The following WASF3 variants were observed in gnomAD, a reference collection of about 807,000 sequenced individuals.
WASF3 encodes actin-binding protein WASF3.
In WASF3, 11 loss-of-function variants were observed where a neutral mutation model predicts 46.6. The observed-to-expected ratio is 0.24, with a 90% CI of 0.15 to 0.39. The LOEUF (loss-of-function observed/expected upper bound fraction) is 0.39. WASF3 is among the 10% of genes least tolerant of loss of function. WASF3 has a pLI of 1.00. For missense variants in WASF3, 576 were observed against 669.8 expected (o/e 0.86, Z 1.55); for synonymous variants, 242 against 259.7 (o/e 0.93, Z 0.65).
chr13:26,622,667 C>T (rs1227569760), intron 2 of WASF3: 2 of 151,992 alleles, frequency 1.3e-5, no homozygotes, highest in Non-Finnish European at 1.5e-5. Context: ...CCCAGCTACT[C>T]GGGAAACTGA....
chr13:26,559,683 A>G (rs1355906682), intron 1 of WASF3, among the ~76,000 whole-genome samples: 1 of 151,838 alleles, frequency 6.6e-6, no homozygotes, highest in Non-Finnish European at 1.5e-5. Flanking sequence ...AGTACTAGTG[A>G]TCGTCTTTGG....
chr13:26,667,772 C>A, intron 5 of WASF3, 102 bp downstream of exon 5: 1 of 1,169,682 alleles, frequency 8.5e-7, no homozygotes, highest in Non-Finnish European at 1.2e-6. Context: ...CTTGATGGTT[C>A]ATCTGGGTTA....
At chr13:26,597,434 C>T (rs1178762995) in intron 1 of WASF3, among the ~76,000 whole-genome samples, 3 of 152,050 alleles carry the variant, frequency 2.0e-5, no homozygotes, top group African/African-American at 4.8e-5. Context: ...CACGCCTGGC[C>T]CCTTGATTTT....
intron 2 of WASF3, among the ~76,000 whole-genome samples, chr13:26,636,174 A>G (rs1881812678): frequency 6.6e-6 from 1 of 152,228 alleles, no homozygotes; most frequent in African/African-American, 2.4e-5. Context: ...CGCCCAGTTC[A>G]AGCTTCCCGG....
At chr13:26,569,209 A>G (rs912951157) in intron 1 of WASF3, among the ~76,000 whole-genome samples, 27 of 152,310 alleles carry the variant, frequency 1.8e-4, no homozygotes, top group Middle Eastern at 3.4e-3. Context: ...TTTCTCTGCA[A>G]CTGATAGAAC....
At chr13:26,683,050 C>T in intron 9 of WASF3, 76 bp downstream of exon 9, 1 of 1,528,190 alleles carries the variant, frequency 6.5e-7, no homozygotes, top group South Asian at 1.3e-5. Flanking sequence ...CTACAGCCTC[C>T]TTGTCTTCAA....
intron 3 of WASF3, among the ~76,000 whole-genome samples, chr13:26,646,300 A>G (rs1290664292): frequency 1.3e-5 from 2 of 152,192 alleles, no homozygotes; most frequent in South Asian, 2.1e-4. Context: ...GAATGTTTTT[A>G]TGTTATTTTT....
chr13:26,620,172 A>G (rs987214502), intron 2 of WASF3, among the ~76,000 whole-genome samples: 6 of 152,084 alleles, frequency 3.9e-5, no homozygotes, highest in Non-Finnish European at 8.8e-5. Context: ...TTTATTAAGT[A>G]GCTGATTTTG....
At chr13:26,555,031 C>T (rs1879067425), upstream of WASF3, among the ~76,000 whole-genome samples, 2 of 152,162 alleles carry the variant, frequency 1.3e-5, no homozygotes, top group African/African-American at 2.4e-5. Context: ...GTTTTGTATC[C>T]TTGCCAGTAT....
upstream of WASF3, among the ~76,000 whole-genome samples, chr13:26,552,792 T>G (rs1342398513): frequency 6.6e-6 from 1 of 152,256 alleles, no homozygotes; most frequent in Non-Finnish European, 1.5e-5. Flanking sequence ...GTTTGTAATT[T>G]TTATGTAAGA....
intron 1 of WASF3, among the ~76,000 whole-genome samples, chr13:26,611,680 A>G (rs1426109972): frequency 1.3e-5 from 2 of 152,220 alleles, no homozygotes; most frequent in African/African-American, 4.8e-5. Flanking sequence ...TCACTTATGC[A>G]GATTACTTAG....
chr13:26,667,297 C>T (rs1461579328), intron 4 of WASF3, among the ~76,000 whole-genome samples: 1 of 149,564 alleles, frequency 6.7e-6, no homozygotes, highest in East Asian at 1.9e-4. Context: ...TAGATTACTA[C>T]AAAAAAAAAG....
At chr13:26,618,774 A>G (rs1445713034) in intron 2 of WASF3, 3 of 152,220 alleles carry the variant, frequency 2.0e-5, no homozygotes, top group African/African-American at 4.8e-5. Context: ...GCTAGGGTCC[A>G]TAGTATGCAT....
At chr13:26,567,722 A>T (rs1357572970) in intron 1 of WASF3, among the ~76,000 whole-genome samples, 2 of 151,880 alleles carry the variant, frequency 1.3e-5, no homozygotes, top group African/African-American at 4.8e-5. Flanking sequence ...ATATATATAT[A>T]ATCTCCCTTC....
the WASF3 span, among the ~76,000 whole-genome samples, chr13:26,544,095 A>G: frequency 6.6e-6 from 1 of 152,222 alleles, no homozygotes; most frequent in Non-Finnish European, 1.5e-5. Flanking sequence ...ATTCACAAAA[A>G]TTCTAACAAG....
chr13:26,632,793 G>C (rs185504771), intron 2 of WASF3, among the ~76,000 whole-genome samples: 45 of 152,258 alleles, frequency 3.0e-4, no homozygotes, highest in African/African-American at 1.0e-3. Flanking sequence ...CTGTGAATCT[G>C]TCTGGTCCTG....
At chr13:26,595,227 G>C (rs761752514) in intron 1 of WASF3, among the ~76,000 whole-genome samples, 8 of 152,192 alleles carry the variant, frequency 5.3e-5, no homozygotes, top group African/African-American at 1.2e-4. Context: ...GTTTCTGTCT[G>C]ATATTGTTTC....
upstream of WASF3, among the ~76,000 whole-genome samples, chr13:26,557,531 G>A (rs1252153454): frequency 6.6e-6 from 1 of 152,090 alleles, no homozygotes; most frequent in African/African-American, 2.4e-5. Context: ...CGGCACCGTC[G>A]CTCAGCGCGC....
At chr13:26,558,393 G>A (rs1879172442) in intron 1 of WASF3, among the ~76,000 whole-genome samples, 1 of 149,076 alleles carries the variant, frequency 6.7e-6, no homozygotes, top group Non-Finnish European at 1.5e-5. Context: ...GGTGCCGCGT[G>A]GCTCCCGGCC....
Sources: gnomAD v4.1 joint callset for allele counts (sites outside exome capture counted in the v4.1 genomes callset) on GRCh38, gnomAD v4.1.1 for gene constraint, MANE v1.5 for transcripts, NCBI Gene and HGNC (gene_info 2026-07-23, HGNC 2026-07-21) for gene names.